The following ARID4B variants were observed in gnomAD, a reference collection of about 807,000 sequenced individuals.
The protein encoded by ARID4B is AT-rich interactive domain-containing protein 4B.
ARID4B carries 26 observed loss-of-function variants against 147.5 expected under a neutral mutation model. The ratio of observed to expected loss-of-function variants is 0.18; its 90% CI spans 0.13 to 0.24. The LOEUF is 0.24. ARID4B is among the 10% of genes least tolerant of loss of function. The pLI is 1.00. For missense variants in ARID4B, 1,179 were observed against 1,511.5 expected (o/e 0.78, Z 3.65); for synonymous variants, 512 against 507.9 (o/e 1.01, Z -0.11).
In ARID4B at chr1:235,295,905, G is replaced by A. The variant is rs146423112; in HGVS notation, c.6+31009C>T. ...AGAGGGAAGCCCCTGCTCTCCCAACGTCAAAGCCAAACCAAAGGCTCTAAA... is the reference window on the plus strand; with the variant it reads ...AGAGGGAAGCCCCTGCTCTCCCAACATCAAAGCCAAACCAAAGGCTCTAAA... On this transcript the variant is annotated intron_variant, in intron 2 of 23. Transcript: ENST00000264183. 410 of 152,830 alleles carry A rather than the reference G, an allele frequency of 2.7e-3. 2 individuals carry two copies. Among genetic ancestry groups the A allele is most frequent in the Middle Eastern group, 0.024 (7 of 292 alleles). 9.5% of individuals were successfully genotyped at this position (152,830 alleles called of 1,614,324 possible). A position where few individuals can be genotyped will look rare whatever the true frequency, so the allele number is the denominator to read the frequency against.
intron 2 of ARID4B, among the ~76,000 whole-genome samples, chr1:235,322,839 G>A (rs1464868285): frequency 6.6e-6 from 1 of 151,764 alleles, no homozygotes; most frequent in Non-Finnish European, 1.5e-5. Context: ...AGGGGGGAAC[G>A]AACTGACAGA....
intron 2 of ARID4B, among the ~76,000 whole-genome samples, chr1:235,323,040 CTTTTTTTTT>C (rs779535005): frequency 7.2e-6 from 1 of 139,242 alleles, no homozygotes; most frequent in Non-Finnish European, 1.6e-5. Context: ...ATATAACCAC[CTTTTTTTTT>C]TTTTTTTTCC....
intron 17 of ARID4B, among the ~76,000 whole-genome samples, chr1:235,208,107 G>C (rs1007442678): frequency 3.9e-5 from 6 of 152,162 alleles, no homozygotes; most frequent in African/African-American, 1.2e-4. Context: ...AGTTGGAAAT[G>C]AGCGAGAAAA....
At chr1:235,190,072 T>C (rs1664987496) in intron 19 of ARID4B, 1 of 154,400 alleles carries the variant, frequency 6.5e-6, no homozygotes, top group Admixed American at 6.5e-5. Context: ...CAGCCAAGTG[T>C]ACTGTGGATA....
chr1:235,284,286 G>A (rs887895675), intron 2 of ARID4B, among the ~76,000 whole-genome samples: 2 of 152,122 alleles, frequency 1.3e-5, no homozygotes, highest in Non-Finnish European at 2.9e-5. Context: ...CTTGAACCTG[G>A]GAGGCAGATG....
intron 2 of ARID4B, among the ~76,000 whole-genome samples, chr1:235,287,398 A>G (rs1672049843): frequency 6.6e-6 from 1 of 152,204 alleles, no homozygotes; most frequent in African/African-American, 2.4e-5. Context: ...GGTTGTAGTA[A>G]CAAAGCAGAA....
chr1:235,214,684 C>T (rs1458857467), intron 16 of ARID4B, among the ~76,000 whole-genome samples: 3 of 152,076 alleles, frequency 2.0e-5, no homozygotes, highest in Non-Finnish European at 4.4e-5. Context: ...TTCCTTTAAA[C>T]TTCAACACAA....
In ARID4B at chr1:235,196,045, G is replaced by A. The variant is rs751191473; in HGVS notation, c.1912C>T (p.Arg638Trp). ...ADKNVPKIKHRKKIKNKLDKE... is the reference protein window; with the variant it reads ...ADKNVPKIKHWKKIKNKLDKE... The stretch of plus-strand genomic sequence containing the variant: ...CAAGCACTTACCTTTATTTTCTTCC[G>A]ATGTTTTATCTTTGGCACATTTTTA... The change falls in exon 18 of 24, where the codon CGG becomes TGG. Residue 638 changes from arginine to tryptophan, a missense_variant. Transcript: ENST00000264183. 4.4e-6 allele frequency: 7 copies of A among 1,596,900 alleles called. No individual in the cohort carries two copies. Among genetic ancestry groups the A allele is most frequent in the South Asian group, 2.3e-5 (2 of 88,216 alleles).
At chr1:235,212,518 C>T (rs979239656) in intron 17 of ARID4B, among the ~76,000 whole-genome samples, 1 of 152,158 alleles carries the variant, frequency 6.6e-6, no homozygotes, top group African/African-American at 2.4e-5. Flanking sequence ...CAGAATGGAT[C>T]GGACTGGTAC....
At chr1:235,324,071 A>C (rs1335525773) in intron 2 of ARID4B, among the ~76,000 whole-genome samples, 1 of 151,488 alleles carries the variant, frequency 6.6e-6, no homozygotes, top group Non-Finnish European at 1.5e-5. Context: ...ATGCCCAGCT[A>C]ATTTTGTATT....
At chr1:235,191,846 A>G (rs890784978) in intron 19 of ARID4B, among the ~76,000 whole-genome samples, 4 of 152,134 alleles carry the variant, frequency 2.6e-5, no homozygotes, top group African/African-American at 9.7e-5. Flanking sequence ...GCTGAGGCAG[A>G]TGGATTGGAT....
intron 22 of ARID4B, among the ~76,000 whole-genome samples, chr1:235,173,793 T>TGTATACCTAAAAC (rs1255432276): frequency 5.6e-5 from 4 of 70,980 alleles, no homozygotes; most frequent in African/African-American, 2.3e-4. Flanking sequence ...TATATATATA[T>TGTATACCTAAAAC]ATATATATAT....
chr1:235,316,969 G>A (rs1056898365), intron 2 of ARID4B, among the ~76,000 whole-genome samples: 6 of 152,106 alleles, frequency 3.9e-5, no homozygotes, highest in Admixed American at 2.0e-4. Context: ...TTCAGATTTG[G>A]GATGTTCAAA....
At chr1:235,292,472 C>T (rs1166713792) in intron 2 of ARID4B, among the ~76,000 whole-genome samples, 1 of 151,904 alleles carries the variant, frequency 6.6e-6, no homozygotes, top group Non-Finnish European at 1.5e-5. Context: ...CAAAAGTAGC[C>T]AGTTGTGGTG....
intron 2 of ARID4B, among the ~76,000 whole-genome samples, chr1:235,266,829 A>G (rs1670639998): frequency 6.6e-6 from 1 of 152,240 alleles, no homozygotes; most frequent in Non-Finnish European, 1.5e-5. Flanking sequence ...CTGACTAGGA[A>G]ATACTCAATT....
At chr1:235,195,646 T>C (rs950525945) in intron 18 of ARID4B, among the ~76,000 whole-genome samples, 10 of 151,944 alleles carry the variant, frequency 6.6e-5, no homozygotes, top group South Asian at 6.2e-4. Flanking sequence ...TATAATCAGA[T>C]AAAGAAGAAG....
At chr1:235,221,524 T>C (rs1303860924) in intron 14 of ARID4B, 41 bp downstream of exon 14, 1 of 1,183,310 alleles carries the variant, frequency 8.5e-7, no homozygotes, top group Non-Finnish European at 1.2e-6. Context: ...GCTTTCTAGG[T>C]AAAAATACTG....
intron 9 of ARID4B, 147 bp from the exon 10 acceptor site, chr1:235,231,336 T>C (rs1668221971): frequency 1.7e-5 from 9 of 530,364 alleles, no homozygotes; most frequent in Non-Finnish European, 3.0e-5. Context: ...GCACACAGAG[T>C]AGCAAGTCAG....
At chr1:235,257,279 C>T (rs1670043057) in intron 3 of ARID4B, 54 bp from the exon 4 acceptor site, 1 of 1,107,228 alleles carries the variant, frequency 9.0e-7, no homozygotes, top group Non-Finnish European at 1.4e-6. Context: ...AACACAAGCT[C>T]ATCAATGCAC....
Sources: allele counts gnomAD v4.1 joint callset (sites outside exome capture counted in the v4.1 genomes callset), GRCh38; gene constraint gnomAD v4.1.1; transcripts MANE v1.5; gene names NCBI Gene and HGNC (gene_info 2026-07-23, HGNC 2026-07-21).